CSPG4: variants seen among roughly 807,000 people sequenced by gnomAD.
The protein encoded by CSPG4 is chondroitin sulfate proteoglycan 4 (melanoma-associated).
In CSPG4, 74 loss-of-function variants were observed where a neutral mutation model predicts 139.3. That is an observed-to-expected ratio of 0.53 (90% CI 0.44 to 0.64). The LOEUF (loss-of-function observed/expected upper bound fraction) is 0.64. Among genes scored for constraint, CSPG4 ranks in the 30% least tolerant of loss-of-function variants. CSPG4 has a pLI of 0.00. For synonymous variants in CSPG4, 1,234 were observed against 1,394.2 expected, an observed-to-expected ratio of 0.89 and a Z score of 2.56; for missense variants, 2,565 against 3,148.3, an observed-to-expected ratio of 0.81 and a Z score of 4.43.
Position 75,689,550 on chromosome 15 carries a change from G to A in CSPG4, c.1515C>T (p.Arg505=), listed in dbSNP as rs1392564794. The A allele has an allele frequency of 1.9e-6, 3 of 1,612,756 alleles. No homozygotes were observed. Among genetic ancestry groups the A allele is most frequent in the Non-Finnish European group, 2.5e-6 (3 of 1,179,820 alleles). The change falls in exon 3 of 10, where the codon CGC becomes CGT. Residue 505 remains arginine (R), a synonymous_variant. Coordinates refer to ENST00000308508, the MANE Select transcript of CSPG4 (RefSeq NM_001897.5). ...TLLDVVNRKA[R]FIHDGSEDTS... is the part of the protein sequence containing the mutation. ...TGTCCTCAGAGCCATCGTGGATGAA[G>A]CGGGCCTTGCGGTTCACCACGTCCA...
chr15:75,706,961 T>C (rs1894381897), intron 1 of CSPG4, among the ~76,000 whole-genome samples: 1 of 151,744 alleles, frequency 6.6e-6, no homozygotes, highest in African/African-American at 2.4e-5. Context: ...AACTTTTTTT[T>C]TTTTTTTTTT....
intron 1 of CSPG4, among the ~76,000 whole-genome samples, chr15:75,703,993 G>A (rs1455357445): frequency 1.4e-4 from 13 of 93,828 alleles, no homozygotes; most frequent in African/African-American, 6.0e-4. Context: ...GGAGCCGGGG[G>A]TGGAGAGGAG....
At position 75,696,797 on chromosome 15, in the gene CSPG4, G is replaced by A. The variant is rs1894232567; in HGVS notation, c.89-3564C>T. 6.6e-6 allele frequency among the ~76,000 whole-genome samples: 1 copy of A among 152,202 alleles called. No homozygotes were observed. Among genetic ancestry groups the A allele is most frequent in the Admixed American group, 6.5e-5 (1 of 15,284 alleles). Reference sequence around the variant, plus strand: ...TCCTTCTTCCTGAGATCTAGGCCTGGGGGCACAGAAAAAGCCTGTTTCCTT... The same window carrying A: ...TCCTTCTTCCTGAGATCTAGGCCTGAGGGCACAGAAAAAGCCTGTTTCCTT... On this transcript the variant is annotated intron_variant, in intron 1 of 9. Coordinates refer to ENST00000308508, the MANE Select transcript of CSPG4 (RefSeq NM_001897.5). This position sits in a 1 kb window ranked among gnomAD's most constrained non-coding sequence, Gnocchi z 4.2.
rs754983756 is a variant in CSPG4 at position 75,682,958 on chromosome 15, G to A, written c.4533C>T (p.Tyr1511=). Reference sequence around the variant, plus strand: ...GCCCGTTGCTGGGCTGCTCGATGGTGTAGACCAGATCCTCAGACCCAGAGT... The same window carrying A: ...GCCCGTTGCTGGGCTGCTCGATGGTATAGACCAGATCCTCAGACCCAGAGT... ...DGDSGSEDLV[Y]TIEQPSNGRV... Residue 1511 remains tyrosine (Y), a synonymous_variant, in exon 6 of 10, where the codon TAC becomes TAT. Coordinates refer to ENST00000308508, the MANE Select transcript of CSPG4 (RefSeq NM_001897.5). 7 of 1,611,606 alleles carry A rather than the reference G, an allele frequency of 4.3e-6. No individual in the cohort carries two copies.
At position 75,674,574 on chromosome 15, in the gene CSPG4, C is replaced by G. The variant is rs947748256; in HGVS notation, c.*976G>C. ...CAGGGGCCCTCTGTATGCAAGCCGA[C>G]GCAGACAAGGGCCCAGTGCATAGTT... is the stretch of plus-strand genomic sequence containing the variant. On this transcript the variant is annotated 3_prime_UTR_variant, in exon 10 of 10. Transcript: ENST00000308508. The G allele has an allele frequency of 2.5e-6, 1 of 395,612 alleles. No homozygotes were observed. Among genetic ancestry groups the G allele is most frequent in the Non-Finnish European group, 4.5e-6 (1 of 224,484 alleles). 24.5% of individuals were successfully genotyped at this position (395,612 alleles called of 1,614,324 possible). A position where few individuals can be genotyped will look rare whatever the true frequency, so the allele number is the denominator to read the frequency against.
chr15:75,690,794 G>A lies in CSPG4; in HGVS notation c.271C>T (p.Gln91Ter), dbSNP rs1596010036. ...GRLQVRLVLG[Q>*]EELRLQTPAE... ...GGAGTCTGCAGCCTCAGCTCCTCCT[G>A]GCCCAGAACAAGTCTGACCTGAAGA... Residue 91 changes from glutamine to a stop codon, truncating the protein, a stop_gained, in exon 3 of 10, where the codon CAG becomes TAG. Coordinates refer to ENST00000308508, the MANE Select transcript of CSPG4 (RefSeq NM_001897.5). LOFTEE classifies it high-confidence loss of function. The A allele has an allele frequency of 6.2e-7, 1 of 1,611,212 alleles. No individual in the cohort carries two copies. The highest frequency in any genetic ancestry group is 1.1e-5 in the South Asian group (1 of 90,944).
chr15:75,689,541 G>A lies in CSPG4; in HGVS notation c.1524C>T (p.His508=), dbSNP rs368561150. 27 of 1,612,706 alleles carry A rather than the reference G, an allele frequency of 1.7e-5. No homozygotes were observed. Among genetic ancestry groups the A allele is most frequent in the African/African-American group, 9.3e-5 (7 of 74,942 alleles). ...DVVNRKARFI[H]DGSEDTSDQL... ...GGTCGGAGGTGTCCTCAGAGCCATC[G>A]TGGATGAAGCGGGCCTTGCGGTTCA... The change falls in exon 3 of 10, where the codon CAC becomes CAT. Residue 508 remains histidine (H), a synonymous_variant. Transcript: ENST00000308508.
chr15:75,709,308 C>T (rs1226713750), intron 1 of CSPG4, among the ~76,000 whole-genome samples: 4 of 152,010 alleles, frequency 2.6e-5, no homozygotes, highest in East Asian at 1.9e-4. Context: ...TATGCTGGGG[C>T]GGAGGGCATG....
chr15:75,710,083 G>A (rs1385526371), intron 1 of CSPG4, among the ~76,000 whole-genome samples: 3 of 152,006 alleles, frequency 2.0e-5, no homozygotes, highest in Non-Finnish European at 4.4e-5. Flanking sequence ...TGTACCTGGT[G>A]TCCCTGTGGC....
rs1450107723 is a variant in CSPG4, at chr15:75,687,642, G to T, written c.3423C>A (p.Gly1141=). The T allele has an allele frequency of 1.2e-6, 2 of 1,612,630 alleles. No homozygotes were observed. Among genetic ancestry groups the T allele is most frequent in the African/African-American group, 2.7e-5 (2 of 74,924 alleles). ...NGSSLVVPQG[G]QGTIDTAVLH... ...GCACGGCCGTGTCGATGGTGCCCTG[G>T]CCTCCTTGAGGGACCACAAGGCTGG... Residue 1141 remains glycine (G), a synonymous_variant, in exon 3 of 10, where the codon GGC becomes GGA. Coordinates refer to ENST00000308508, the MANE Select transcript of CSPG4 (RefSeq NM_001897.5). The surrounding 1 kb of genome is among the most constrained non-coding windows in gnomAD (Gnocchi z 5.4).
At position 75,708,404 on chromosome 15, in the gene CSPG4, AC is replaced by A. The variant is rs561619458; in HGVS notation, c.88+4263del. Among the ~76,000 whole-genome samples the A allele has an allele frequency of 4.6e-3, 616 of 134,072 alleles. 6 individuals carry two copies. Among genetic ancestry groups the A allele is most frequent in the African/African-American group, 0.017 (585 of 35,380 alleles). The allele number at this position is 134,072 out of a possible 152,430, so 88.0% of individuals were successfully genotyped here. ...AGAGACAAAAGTGGCTTCATTGGCA[AC>A]CCTAGCTTTGGGGGGAGAGGGTTTT... On this transcript the variant is annotated intron_variant, in intron 1 of 9. Coordinates refer to ENST00000308508, the MANE Select transcript of CSPG4 (RefSeq NM_001897.5).
In CSPG4 at chr15:75,687,855, G is replaced by A. The variant is rs774662850; in HGVS notation, c.3210C>T (p.Ala1070=). ...RKDLLFGSIV[A]VDEPTRPIYR... Reference sequence around the variant, plus strand: ...AGATGGGCCGCGTGGGCTCATCTACGGCCACGATACTGCCAAAGAGGAGGT... The same window carrying A: ...AGATGGGCCGCGTGGGCTCATCTACAGCCACGATACTGCCAAAGAGGAGGT... The change falls in exon 3 of 10, where the codon GCC becomes GCT. Residue 1070 remains alanine, a synonymous_variant. Transcript: ENST00000308508. This position sits in a 1 kb window ranked among gnomAD's most constrained non-coding sequence, Gnocchi z 5.4. 4.3e-6 allele frequency: 7 copies of A among 1,612,808 alleles called. No individual in the cohort carries two copies. The highest frequency in any genetic ancestry group is 2.2e-5 in the South Asian group (2 of 91,090).
chr15:75,676,600 C>T lies in CSPG4; in HGVS notation c.5919G>A (p.Glu1973=), dbSNP rs939525987. ...TGAGGCGGTATGCTGCCTCTGGCTC[C>T]TCCCGATCTGAAACCACCCGGAGCT... ...QQQLRVVSDR[E]EPEAAYRLIQ... Residue 1973 remains glutamate, a synonymous_variant, in exon 10 of 10, where the codon GAG becomes GAA. Coordinates refer to ENST00000308508, the MANE Select transcript of CSPG4 (RefSeq NM_001897.5). The T allele has an allele frequency of 1.9e-6, 3 of 1,611,178 alleles. No individual in the cohort carries two copies. Among genetic ancestry groups the T allele is most frequent in the Non-Finnish European group, 1.7e-6 (2 of 1,178,940 alleles).
At chr15:75,677,476 TC>T in intron 9 of CSPG4, 92 bp from the exon 10 acceptor site, 5 of 1,330,514 alleles carry the variant, frequency 3.8e-6, no homozygotes, top group East Asian at 5.6e-5. Context: ...AGGATGTGCC[TC>T]CCCCCAACCA....
chr15:75,675,643 C>G lies in CSPG4; in HGVS notation c.6876G>C (p.Gln2292His). 1 of 1,522,320 alleles carries G rather than the reference C, an allele frequency of 6.6e-7. No homozygotes were observed. Among genetic ancestry groups the G allele is most frequent in the Non-Finnish European group, 8.8e-7 (1 of 1,135,636 alleles). 94.3% of individuals were successfully genotyped at this position (1,522,320 alleles called of 1,614,324 possible). A position where few individuals can be genotyped will look rare whatever the true frequency, so the allele number is the denominator to read the frequency against. The change falls in exon 10 of 10, where the codon CAG becomes CAC. Residue 2292 changes from glutamine to histidine, a missense_variant. Transcript: ENST00000308508. ...CAGGCTGGCCTCCTGGAGGGGGCCC[C>G]TGGCCAGGCACAGCTGTGAGCGGGA... Reference protein sequence around the residue: ...QAIPLTAVPGQGPPPGGQPDP... With the variant: ...QAIPLTAVPGHGPPPGGQPDP...
chr15:75,681,248 A>C (rs1227671837), intron 8 of CSPG4, among the ~76,000 whole-genome samples: 1 of 152,218 alleles, frequency 6.6e-6, no homozygotes, highest in Non-Finnish European at 1.5e-5. Context: ...CTCCTTCCAG[A>C]TGCCCAAATC....
rs1017552277 is a variant in CSPG4 at position 75,698,440 on chromosome 15, C to G, written c.89-5207G>C. ...CCTGAGGTCACCTGGCCCTCTAGAC[C>G]TCAGGTCAGTTCCCCTCCCCTCCCC... On this transcript the variant is annotated intron_variant, in intron 1 of 9. Coordinates refer to ENST00000308508, the MANE Select transcript of CSPG4 (RefSeq NM_001897.5). This position sits in a 1 kb window ranked among gnomAD's most constrained non-coding sequence, Gnocchi z 4.3. 4.6e-5 allele frequency among the ~76,000 whole-genome samples: 7 copies of G among 152,136 alleles called. No individual in the cohort carries two copies. The highest frequency in any genetic ancestry group is 1.4e-4 in the African/African-American group (6 of 41,488).
intron 1 of CSPG4, among the ~76,000 whole-genome samples, chr15:75,703,025 T>C (rs1245108735): frequency 1.6e-5 from 2 of 127,472 alleles, no homozygotes; most frequent in African/African-American, 6.0e-5. Flanking sequence ...GATTGGTCCC[T>C]GGGGCCCAGA....
chr15:75,711,552 C>T (rs890352072), intron 1 of CSPG4, among the ~76,000 whole-genome samples: 2 of 152,276 alleles, frequency 1.3e-5, no homozygotes, highest in African/African-American at 4.8e-5. Flanking sequence ...GAGATCCAGC[C>T]CTGATTCACC....
Sources: allele counts gnomAD v4.1 joint callset (sites outside exome capture counted in the v4.1 genomes callset), GRCh38; gene constraint gnomAD v4.1.1; non-coding constraint Gnocchi (gnomAD v3.1); transcripts MANE v1.5; gene names NCBI Gene and HGNC (gene_info 2026-07-23, HGNC 2026-07-21).